The following RALYL variants were observed in gnomAD, a reference collection of about 807,000 sequenced individuals.
RALYL encodes the protein RALY RNA binding protein like.
A neutral mutation model predicts 35.1 loss-of-function variants in RALYL; 29 were observed. The ratio of observed to expected loss-of-function variants is 0.83; its 90% confidence interval spans 0.61 to 1.13. RALYL has a LOEUF of 1.13. Among genes scored for constraint, RALYL ranks in the 50% most tolerant of loss-of-function variants. The probability of loss-of-function intolerance (pLI) is 0.00; values close to 1 mark genes in which losing one functional copy is unlikely to be tolerated. For synonymous variants in RALYL, 120 were observed against 127.6 expected (o/e 0.94, Z 0.40); for missense variants, 359 against 360.4 (o/e 1.00, Z 0.03).
intron 7 of RALYL, among the ~76,000 whole-genome samples, chr8:84,884,010 T>G (rs925994848): frequency 2.0e-5 from 3 of 152,040 alleles, no homozygotes; most frequent in Non-Finnish European, 1.5e-5. Context: ...TTAATAGGAC[T>G]AGTAATTAGC....
intron 3 of RALYL, among the ~76,000 whole-genome samples, chr8:84,789,100 G>A (rs556944042): frequency 1.4e-4 from 21 of 152,314 alleles, no homozygotes; most frequent in East Asian, 1.4e-3. Context: ...TATGCAGAGC[G>A]TGGGACATGA....
intron 2 of RALYL, among the ~76,000 whole-genome samples, chr8:84,633,558 AG>A (rs1824392004): frequency 6.6e-6 from 1 of 151,884 alleles, no homozygotes; most frequent in Non-Finnish European, 1.5e-5. Context: ...TTTTAATTTG[AG>A]AGATAATAGT....
chr8:84,662,754 C>A (rs1050362812), intron 2 of RALYL, among the ~76,000 whole-genome samples: 4 of 151,928 alleles, frequency 2.6e-5, no homozygotes, highest in African/African-American at 9.7e-5. Flanking sequence ...ATATAGGCAT[C>A]CACAATTAAT....
At chr8:84,753,752 G>T (rs1343395316) in intron 2 of RALYL, among the ~76,000 whole-genome samples, 2 of 152,102 alleles carry the variant, frequency 1.3e-5, no homozygotes, top group Non-Finnish European at 2.9e-5. Flanking sequence ...GGCCTCCCCA[G>T]AAGCATGCTA....
intron 1 of RALYL, among the ~76,000 whole-genome samples, chr8:84,329,790 G>A (rs1276372923): frequency 2.0e-5 from 3 of 151,932 alleles, no homozygotes; most frequent in Admixed American, 2.0e-4. Flanking sequence ...CAATTCCTTA[G>A]GTTTTAAATG....
At chr8:84,413,862 T>C (rs1563878836) in intron 1 of RALYL, among the ~76,000 whole-genome samples, 1 of 152,132 alleles carries the variant, frequency 6.6e-6, no homozygotes, top group Non-Finnish European at 1.5e-5. Context: ...GTCGTCATCA[T>C]TAAATCTGTA....
At chr8:84,433,211 G>A (rs1365460608) in intron 1 of RALYL, among the ~76,000 whole-genome samples, 1 of 151,982 alleles carries the variant, frequency 6.6e-6, no homozygotes, top group Non-Finnish European at 1.5e-5. Context: ...ACAAATATGT[G>A]CCTTTCTTGA....
upstream of RALYL, chr8:84,183,097 G>GGCGGCAGCAACAGAGGCA (rs1188537480): frequency 6.3e-6 from 1 of 157,804 alleles, no homozygotes; most frequent in East Asian, 1.9e-4. Context: ...GCGAGGCGGC[G>GGCGGCAGCAACAGAGGCA]GCGGCAGCAA....
chr8:84,785,063 C>T (rs947120482), intron 3 of RALYL, among the ~76,000 whole-genome samples: 12 of 152,014 alleles, frequency 7.9e-5, no homozygotes, highest in Non-Finnish European at 1.5e-4. Flanking sequence ...TTGAAATAAG[C>T]GTATTACATT....
At chr8:84,450,346 T>A (rs1019917873) in intron 1 of RALYL, among the ~76,000 whole-genome samples, 1 of 151,818 alleles carries the variant, frequency 6.6e-6, no homozygotes, top group African/African-American at 2.4e-5. Context: ...GGAGTAATAA[T>A]ATGGGCTGAT....
chr8:84,475,327 C>T (rs1269585021), intron 1 of RALYL, among the ~76,000 whole-genome samples: 2 of 152,096 alleles, frequency 1.3e-5, no homozygotes, highest in Non-Finnish European at 2.9e-5. Flanking sequence ...ATCCTTCCAC[C>T]TCCCACCTCA....
intron 2 of RALYL, among the ~76,000 whole-genome samples, chr8:84,649,880 C>T (rs1828348226): frequency 1.3e-5 from 2 of 152,060 alleles, no homozygotes; most frequent in Admixed American, 1.3e-4. Context: ...GCAGTATGGC[C>T]ATTTTCATGA....
chr8:84,849,503 T>C (rs1421866569), intron 4 of RALYL, among the ~76,000 whole-genome samples: 1 of 152,128 alleles, frequency 6.6e-6, no homozygotes, highest in African/African-American at 2.4e-5. Flanking sequence ...ATGATTATCT[T>C]GTCTGAGATG....
chr8:84,428,432 A>G (rs566756441), intron 1 of RALYL, among the ~76,000 whole-genome samples: 2 of 152,216 alleles, frequency 1.3e-5, no homozygotes, highest in South Asian at 2.1e-4. Context: ...TACGATTTAG[A>G]TCACTTACCT....
At chr8:84,200,791 G>A (rs1816658308) in intron 1 of RALYL, among the ~76,000 whole-genome samples, 1 of 151,992 alleles carries the variant, frequency 6.6e-6, no homozygotes, top group African/African-American at 2.4e-5. Flanking sequence ...TGGGGGGATG[G>A]GATGACAATT....
chr8:84,343,457 T>A (rs1285370877), intron 1 of RALYL, among the ~76,000 whole-genome samples: 1 of 152,068 alleles, frequency 6.6e-6, no homozygotes, highest in Non-Finnish European at 1.5e-5. Context: ...ACTGGAAGGC[T>A]AAACAAAATA....
intron 1 of RALYL, among the ~76,000 whole-genome samples, chr8:84,325,349 C>T (rs1308899203): frequency 6.6e-6 from 1 of 152,176 alleles, no homozygotes; most frequent in African/African-American, 2.4e-5. Context: ...TTATACTTTC[C>T]TCCTAACACC....
At chr8:84,216,150 T>C (rs1820763478) in intron 1 of RALYL, among the ~76,000 whole-genome samples, 1 of 152,088 alleles carries the variant, frequency 6.6e-6, no homozygotes. Context: ...CTTTATAGAT[T>C]GAAGATTTTG....
At chr8:84,659,279 T>C (rs1352457794) in intron 2 of RALYL, among the ~76,000 whole-genome samples, 3 of 151,962 alleles carry the variant, frequency 2.0e-5, no homozygotes, top group African/African-American at 7.3e-5. Flanking sequence ...AACTGTGATG[T>C]GGCATCAACA....
Sources: allele counts gnomAD v4.1 joint callset (sites outside exome capture counted in the v4.1 genomes callset), GRCh38; gene constraint gnomAD v4.1.1; transcripts MANE v1.5; gene names NCBI Gene and HGNC (gene_info 2026-07-23, HGNC 2026-07-21).